Variants in ADCY1 observed in about 807,000 individuals in gnomAD.
ADCY1 encodes adenylate cyclase 1, also known as adenylate cyclase type 1.
ADCY1 carries 28 observed loss-of-function variants against 105.4 expected under a neutral mutation model. The ratio of observed to expected loss-of-function variants is 0.27; its 90% CI spans 0.20 to 0.36. The LOEUF is 0.36. Among genes scored for constraint, ADCY1 ranks in the 10% least tolerant of loss-of-function variants. The pLI, the probability that ADCY1 is intolerant of heterozygous loss-of-function variation, is 1.00. For synonymous variants in ADCY1, 655 were observed against 623.8 expected (o/e 1.05, Z -0.75); for missense variants, 977 against 1,434.2 (o/e 0.68, Z 5.15).
In ADCY1 at chr7:45,703,019, C is replaced by T. The variant is rs893372507; in HGVS notation, c.2455-357C>T. ...GGTGCCCTGCGGGGCACATCAGGAG[C>T]TGCCTGGGGGCTGGTGGAGCCTGTG... On this transcript the variant is annotated intron_variant, in intron 14 of 19. Coordinates refer to ENST00000297323, the MANE Select transcript of ADCY1 (RefSeq NM_021116.4). The surrounding 1 kb of genome is among the most constrained non-coding windows in gnomAD (Gnocchi z 5.9). 6.6e-6 allele frequency among the ~76,000 whole-genome samples: 1 copy of T among 152,220 alleles called. No individual in the cohort carries two copies. The highest frequency in any genetic ancestry group is 1.5e-5 in the Non-Finnish European group (1 of 68,038).
Position 45,679,753 on chromosome 7 carries a change from TG to T in ADCY1, c.1945del (p.Val649TrpfsTer19). The T allele has an allele frequency of 6.2e-7, 1 of 1,614,242 alleles. No individual in the cohort carries two copies. Among genetic ancestry groups the T allele is most frequent in the Non-Finnish European group, 8.5e-7 (1 of 1,180,044 alleles). On this transcript the variant is annotated frameshift_variant, in exon 11 of 20. Coordinates refer to ENST00000297323, the MANE Select transcript of ADCY1 (RefSeq NM_021116.4). LOFTEE classifies it high-confidence loss of function. ...LLLLVFCICF[L>X]VACVLYLHIT... is the part of the protein sequence containing the mutation. ...CTGCTAGTATTCTGCATCTGCTTCCTGGTGGCCTGTGTCCTGTACCTGCACA... is the reference window on the plus strand; with the variant it reads ...CTGCTAGTATTCTGCATCTGCTTCCTGTGGCCTGTGTCCTGTACCTGCACA...
intron 4 of ADCY1, among the ~76,000 whole-genome samples, chr7:45,631,787 G>T (rs1412505222): frequency 6.6e-6 from 1 of 152,180 alleles, no homozygotes; most frequent in Non-Finnish European, 1.5e-5. Context: ...TGTTTCATTT[G>T]CCAGCTATCT....
intron 1 of ADCY1, among the ~76,000 whole-genome samples, chr7:45,592,430 T>G (rs1175380067): frequency 2.0e-5 from 3 of 152,226 alleles, no homozygotes; most frequent in Non-Finnish European, 4.4e-5. Context: ...TCATTTTAAC[T>G]TAATTGCCTC....
At chr7:45,583,411 T>G (rs1337829941) in intron 1 of ADCY1, among the ~76,000 whole-genome samples, 18 of 152,208 alleles carry the variant, frequency 1.2e-4, no homozygotes, top group Non-Finnish European at 4.4e-5. Flanking sequence ...GAGGAGAAAG[T>G]CCATGCTGGT....
chr7:45,642,228 G>A (rs1211135131), intron 4 of ADCY1, among the ~76,000 whole-genome samples: 1 of 152,126 alleles, frequency 6.6e-6, no homozygotes, highest in African/African-American at 2.4e-5. Flanking sequence ...TAAGGAAGGG[G>A]TGGGGCAGGT....
Position 45,652,766 on chromosome 7 carries a change from A to AT in ADCY1, c.1148+3970dup, listed in dbSNP as rs1462321061. Among the ~76,000 whole-genome samples the AT allele has an allele frequency of 2.0e-5, 3 of 152,296 alleles. No individual in the cohort carries two copies. The East Asian group carries it at 5.8e-4, about 29-fold the overall frequency. The stretch of plus-strand genomic sequence containing the variant: ...GGCCCTCTGAAGTGCAGGGTGGGGC[A>AT]TCTCTTTGTAAAGACATGGTGAAGA... On this transcript the variant is annotated intron_variant, in intron 5 of 19. Coordinates refer to ENST00000297323, the MANE Select transcript of ADCY1 (RefSeq NM_021116.4).
chr7:45,637,045 A>G (rs1280864546), intron 4 of ADCY1, among the ~76,000 whole-genome samples: 1 of 151,918 alleles, frequency 6.6e-6, no homozygotes, highest in East Asian at 1.9e-4. Context: ...TTGCTAATTT[A>G]TTATGTTTTA....
chr7:45,628,616 A>G (rs941866250), intron 4 of ADCY1, among the ~76,000 whole-genome samples: 3 of 152,134 alleles, frequency 2.0e-5, no homozygotes, highest in Admixed American at 6.5e-5. Flanking sequence ...TGTCTTTAGG[A>G]AAATTATTAA....
intron 5 of ADCY1, among the ~76,000 whole-genome samples, chr7:45,656,798 C>T (rs545234315): frequency 1.3e-5 from 2 of 152,344 alleles, no homozygotes; most frequent in South Asian, 4.1e-4. Context: ...GGTTTGCTGT[C>T]ACCACCTGAT....
intron 5 of ADCY1, among the ~76,000 whole-genome samples, chr7:45,655,803 C>T (rs981783482): frequency 6.6e-6 from 1 of 152,124 alleles, no homozygotes; most frequent in Non-Finnish European, 1.5e-5. Flanking sequence ...GTCTCCGTGC[C>T]ATTTACTGTT....
rs554928316 is a variant in ADCY1 at position 45,623,062 on chromosome 7, G to A, written c.1020+319G>A. On this transcript the variant is annotated intron_variant, in intron 4 of 19. Transcript: ENST00000297323. ...GGTCTGTCCTGTGCACCATCCTGCTGCCATTGTGTCCCACTGTAGACAGAG... is the reference window on the plus strand; with the variant it reads ...GGTCTGTCCTGTGCACCATCCTGCTACCATTGTGTCCCACTGTAGACAGAG... 5.3e-5 allele frequency among the ~76,000 whole-genome samples: 8 copies of A among 152,314 alleles called. No homozygotes were observed. In the East Asian group the frequency reaches 1.5e-3, roughly 29 times the overall value.
intron 5 of ADCY1, among the ~76,000 whole-genome samples, chr7:45,656,164 A>G (rs1321612649): frequency 2.0e-5 from 3 of 151,934 alleles, no homozygotes; most frequent in Non-Finnish European, 2.9e-5. Flanking sequence ...TTAGCTGGGC[A>G]TGGTGGTGGG....
rs1290535319 is a variant in ADCY1, at chr7:45,718,893, G to A, written c.*4898G>A. 1 of 152,926 alleles carries A rather than the reference G, an allele frequency of 6.5e-6. No individual in the cohort carries two copies. Among genetic ancestry groups the A allele is most frequent in the Non-Finnish European group, 1.5e-5 (1 of 68,254 alleles). 9.5% of individuals were successfully genotyped at this position (152,926 alleles called of 1,614,324 possible). ...TGAGGAAGGCTCAGTGGGCTCAGCA[G>A]AAGGAAGGCTCTTCTCATAGTTGTG... On this transcript the variant is annotated 3_prime_UTR_variant, in exon 20 of 20. Transcript: ENST00000297323.
chr7:45,703,881 C>T lies in ADCY1; in HGVS notation c.2718+135C>T. ...GAAAGCAAATCCCGGGAAGCACAGGCATTCTGTCTCCTTTGGGATCCAGAC... is the reference window on the plus strand; with the variant it reads ...GAAAGCAAATCCCGGGAAGCACAGGTATTCTGTCTCCTTTGGGATCCAGAC... On this transcript the variant is annotated intron_variant, in intron 16 of 19. Coordinates refer to ENST00000297323, the MANE Select transcript of ADCY1 (RefSeq NM_021116.4). The surrounding 1 kb of genome is among the most constrained non-coding windows in gnomAD (Gnocchi z 5.9). The T allele has an allele frequency of 7.7e-7, 1 of 1,295,540 alleles. No homozygotes were observed. The highest frequency in any genetic ancestry group is 1.5e-5 in the South Asian group (1 of 65,260). 80.3% of individuals were successfully genotyped at this position (1,295,540 alleles called of 1,614,324 possible). A position where few individuals can be genotyped will look rare whatever the true frequency, so the allele number is the denominator to read the frequency against.
intron 4 of ADCY1, among the ~76,000 whole-genome samples, chr7:45,638,089 A>T (rs761188086): frequency 4.6e-5 from 7 of 151,998 alleles, no homozygotes; most frequent in Non-Finnish European, 8.8e-5. Context: ...CAGTATGTTG[A>T]GCTTCTTGCA....
intron 8 of ADCY1, among the ~76,000 whole-genome samples, chr7:45,666,670 A>G (rs181123078): frequency 4.5e-3 from 692 of 152,290 alleles, no homozygotes; most frequent in African/African-American, 0.016. Flanking sequence ...GTCAAATGGT[A>G]TTTCTAGTTC....
chr7:45,594,104 T>G (rs1288734995), intron 2 of ADCY1, among the ~76,000 whole-genome samples: 1 of 152,208 alleles, frequency 6.6e-6, no homozygotes, highest in Non-Finnish European at 1.5e-5. Flanking sequence ...TGTACGTCTG[T>G]GTGGTTGCAT....
intron 14 of ADCY1, among the ~76,000 whole-genome samples, chr7:45,693,411 A>G (rs1020644574): frequency 7.0e-6 from 1 of 143,730 alleles, no homozygotes; most frequent in Non-Finnish European, 1.5e-5. Context: ...AAGGAATGGT[A>G]CCAGCTCCTC....
At chr7:45,596,487 G>A (rs1793077888) in intron 2 of ADCY1, among the ~76,000 whole-genome samples, 1 of 152,126 alleles carries the variant, frequency 6.6e-6, no homozygotes, top group South Asian at 2.1e-4. Flanking sequence ...GTCCTAAGAG[G>A]GGATCTGGGG....
Sources: allele counts gnomAD v4.1 joint callset (sites outside exome capture counted in the v4.1 genomes callset), GRCh38; gene constraint gnomAD v4.1.1; non-coding constraint Gnocchi (gnomAD v3.1); transcripts MANE v1.5; gene names NCBI Gene and HGNC (gene_info 2026-07-23, HGNC 2026-07-21).